Variants in ALPK3 observed in about 807,000 individuals in gnomAD.
ALPK3 encodes the protein alpha-protein kinase 3.
A neutral mutation model predicts 140.0 loss-of-function variants in ALPK3; 102 were observed. The ratio of observed to expected loss-of-function variants is 0.73; its 90% CI spans 0.62 to 0.86. ALPK3 has a LOEUF of 0.86. Ranked by LOEUF, ALPK3 falls within the 40% of genes least tolerant of loss-of-function variation. The probability of loss-of-function intolerance (pLI) is 0.00; values close to 1 mark genes in which losing one functional copy is unlikely to be tolerated. For missense variants in ALPK3, 2,254 were observed against 2,208.2 expected, an observed-to-expected ratio of 1.02 and a Z score of -0.42; for synonymous variants, 938 against 898.5, an observed-to-expected ratio of 1.04 and a Z score of -0.79.
At chr15:84,848,247 T>TA (rs149511884) in intron 5 of ALPK3, among the ~76,000 whole-genome samples, 5,607 of 143,312 alleles carry the variant, frequency 0.039, 124 homozygotes, top group African/African-American at 0.059. Flanking sequence ...AGGTAAAAAG[T>TA]AAAAAAAAAA....
intron 1 of ALPK3, among the ~76,000 whole-genome samples, chr15:84,821,525 G>T (rs988420822): frequency 6.6e-6 from 1 of 152,168 alleles, no homozygotes; most frequent in Admixed American, 6.5e-5. Flanking sequence ...TGGAACCATG[G>T]GAGGTTCTGC....
At position 84,857,602 on chromosome 15, in the gene ALPK3, G is replaced by C; in HGVS notation, c.2864G>C (p.Gly955Ala). 6.3e-7 allele frequency: 1 copy of C among 1,575,246 alleles called. No individual in the cohort carries two copies. Among genetic ancestry groups the C allele is most frequent in the Non-Finnish European group, 8.6e-7 (1 of 1,157,958 alleles). Residue 955 changes from glycine (G) to alanine (A), a missense_variant, in exon 6 of 14, where the codon GGC (glycine) becomes GCC (alanine). Transcript: ENST00000258888. ...RTPGPRSCDPGLIDSLKNYLL... is the reference protein window; with the variant it reads ...RTPGPRSCDPALIDSLKNYLL... ...CCAGGTCCCCGGAGCTGTGACCCTGGCCTCATAGATTCCCTGAAGAACTAC... is the reference window on the plus strand; with the variant it reads ...CCAGGTCCCCGGAGCTGTGACCCTGCCCTCATAGATTCCCTGAAGAACTAC...
In ALPK3 at chr15:84,859,825, G is replaced by A. The variant is rs756951762; in HGVS notation, c.4015G>A (p.Val1339Ile). 9.3e-6 allele frequency: 15 copies of A among 1,613,780 alleles called. No homozygotes were observed. Among genetic ancestry groups the A allele is most frequent in the South Asian group, 4.4e-5 (4 of 91,084 alleles). Residue 1339 changes from valine to isoleucine, a missense_variant, in exon 8 of 14, where the codon GTA becomes ATA. Transcript: ENST00000258888. ...CTTGGCCATCGTGCAGGCCTCCCCC[G>A]TAGACTGCGGTGTGTATCGGTGCAC... Reference protein sequence around the residue: ...AALAIVQASPVDCGVYRCTIH... With the variant: ...AALAIVQASPIDCGVYRCTIH...
intron 5 of ALPK3, among the ~76,000 whole-genome samples, chr15:84,855,351 C>A (rs1963848639): frequency 1.3e-5 from 2 of 152,238 alleles, no homozygotes; most frequent in Non-Finnish European, 2.9e-5. Flanking sequence ...TTTGCTCCTC[C>A]TCAGCTTCCC....
At position 84,862,698 on chromosome 15, in the gene ALPK3, G is replaced by T. The variant is rs756411505; in HGVS notation, c.4193G>T (p.Trp1398Leu). ...FAKGLADSGC[W>L]GDKLFGRLVS... ...AAGGGTCTGGCTGACTCTGGCTGCT[G>T]GGGGGACAAGCTCTTTGGGCGACTG... Residue 1398 changes from tryptophan (W) to leucine (L), a missense_variant, in exon 10 of 14, where the codon TGG (tryptophan) becomes TTG (leucine). Transcript: ENST00000258888. The T allele has an allele frequency of 1.2e-5, 20 of 1,614,060 alleles. No individual in the cohort carries two copies. The highest frequency in any genetic ancestry group is 1.6e-4 in the Middle Eastern group (1 of 6,082).
In ALPK3 at chr15:84,868,783, A is replaced by C. The variant is rs533590924; in HGVS notation, c.*327A>C. On this transcript the variant is annotated 3_prime_UTR_variant, in exon 14 of 14. Transcript: ENST00000258888. ...CTGGAGGCTCCCCTGAGTCCTCTGC[A>C]TGAGTTCTGCACCCCAAGCCCTTGC... The C allele has an allele frequency of 2.8e-6, 1 of 359,230 alleles. No individual in the cohort carries two copies. Among genetic ancestry groups the C allele is most frequent in the African/African-American group, 2.0e-5 (1 of 48,914 alleles). The allele number at this position is 359,230 out of a possible 1,614,324, so 22.3% of individuals were successfully genotyped here.
chr15:84,854,037 T>G (rs1284926386), intron 5 of ALPK3, among the ~76,000 whole-genome samples: 2 of 152,058 alleles, frequency 1.3e-5, no homozygotes, highest in Admixed American at 1.3e-4. Flanking sequence ...AACAGAAAAT[T>G]CCTAATTTAG....
At chr15:84,859,987 T>C (rs370097562) in intron 8 of ALPK3, 50 bp from the exon 9 acceptor site, 2 of 1,613,978 alleles carry the variant, frequency 1.2e-6, no homozygotes, top group Non-Finnish European at 1.7e-6. Flanking sequence ...GAAGGCACTC[T>C]CTTGGCACAG....
At position 84,864,601 on chromosome 15, in the gene ALPK3, C is replaced by T; in HGVS notation, c.4659C>T (p.Cys1553=). The change falls in exon 12 of 14, where the codon TGC becomes TGT. Residue 1553 remains cysteine (C), a synonymous_variant. Transcript: ENST00000258888. ...GCAGCTCTGAGGCCATGCAGAAATG[C>T]CAGACCTTCCAACACTGGCTGTATC... ...ASGSSEAMQK[C]QTFQHWLYQW... is the part of the protein sequence containing the mutation. 6.2e-7 allele frequency: 1 copy of T among 1,614,198 alleles called. No individual in the cohort carries two copies. The highest frequency in any genetic ancestry group is 1.6e-4 in the Middle Eastern group (1 of 6,062).
At chr15:84,827,409 G>A in intron 2 of ALPK3, 75 bp from the exon 3 acceptor site, 1 of 1,586,626 alleles carries the variant, frequency 6.3e-7, no homozygotes, top group Non-Finnish European at 8.6e-7. Flanking sequence ...TAAGACGGAA[G>A]CTGCCTTGGA....
At position 84,858,317 on chromosome 15, in the gene ALPK3, C is replaced by A; in HGVS notation, c.3579C>A (p.Pro1193=). 1 of 1,564,900 alleles carries A rather than the reference C, an allele frequency of 6.4e-7. No individual in the cohort carries two copies. Among genetic ancestry groups the A allele is most frequent in the East Asian group, 2.4e-5 (1 of 41,868 alleles). The change falls in exon 6 of 14, where the codon CCC becomes CCA. Residue 1193 remains proline, a synonymous_variant. Coordinates refer to ENST00000258888, the MANE Select transcript of ALPK3 (RefSeq NM_020778.5). ...AAAGGGAGAGCCCCACGGTTTCCCC[C>A]CGGGGGCCCAGGAAAAGCCTGGTGC... is the stretch of plus-strand genomic sequence containing the variant. ...PEERESPTVS[P]RGPRKSLVPG... is the part of the protein sequence containing the mutation.
At chr15:84,829,938 A>G (rs1963528295) in intron 3 of ALPK3, among the ~76,000 whole-genome samples, 1 of 152,156 alleles carries the variant, frequency 6.6e-6, no homozygotes, top group Non-Finnish European at 1.5e-5. Context: ...CTTATTAATG[A>G]TAGTTTTCTA....
chr15:84,817,688 G>A, intron 1 of ALPK3, 93 bp downstream of exon 1: 2 of 1,327,802 alleles, frequency 1.5e-6, no homozygotes, highest in South Asian at 1.7e-5. Flanking sequence ...GGCCTGGGCT[G>A]GGCCTGCGCC....
intron 2 of ALPK3, among the ~76,000 whole-genome samples, chr15:84,826,199 A>G (rs1331725198): frequency 6.6e-6 from 1 of 152,234 alleles, no homozygotes; most frequent in African/African-American, 2.4e-5. Context: ...TAATATTCAC[A>G]GAAAAGATAC....
Position 84,857,269 on chromosome 15 carries a change from C to G in ALPK3, c.2531C>G (p.Pro844Arg). 1 of 1,614,090 alleles carries G rather than the reference C, an allele frequency of 6.2e-7. No individual in the cohort carries two copies. Among genetic ancestry groups the G allele is most frequent in the Non-Finnish European group, 8.5e-7 (1 of 1,179,998 alleles). The change falls in exon 6 of 14, where the codon CCA becomes CGA. Residue 844 changes from proline to arginine, a missense_variant. Pro to Arg is a moderately radical substitution (Grantham distance 103, BLOSUM62 -2). Around this residue, in one of 3 missense-constraint regions of ALPK3, gnomAD observed 2,088 missense variants for 2,022.9 expected, o/e 1.03. Coordinates refer to ENST00000258888, the MANE Select transcript of ALPK3 (RefSeq NM_020778.5). ...TTCCAGTGCCCCAAGGAGGAGCGGCCAGGGGGAGTGCCGTGTATGGATCAG... is the reference window on the plus strand; with the variant it reads ...TTCCAGTGCCCCAAGGAGGAGCGGCGAGGGGGAGTGCCGTGTATGGATCAG... ...SPFQCPKEERPGGVPCMDQGG... is the reference protein window; with the variant it reads ...SPFQCPKEERRGGVPCMDQGG...
At chr15:84,861,195 A>G (rs945184934) in intron 9 of ALPK3, among the ~76,000 whole-genome samples, 21 of 152,328 alleles carry the variant, frequency 1.4e-4, no homozygotes, top group African/African-American at 4.8e-4. Flanking sequence ...AATATTTAAC[A>G]GTTCCTCCTA....
At chr15:84,849,440 CTGTG>C (rs1208934694) in intron 5 of ALPK3, among the ~76,000 whole-genome samples, 11 of 152,274 alleles carry the variant, frequency 7.2e-5, no homozygotes, top group African/African-American at 2.2e-4. Flanking sequence ...ATAGAATACT[CTGTG>C]TAACAACAGA....
chr15:84,824,473 G>C (rs1963462954), intron 2 of ALPK3, among the ~76,000 whole-genome samples: 1 of 152,220 alleles, frequency 6.6e-6, no homozygotes, highest in Non-Finnish European at 1.5e-5. Flanking sequence ...TCTTCACACA[G>C]AAAAAGATTT....
Position 84,840,653 on chromosome 15 carries a change from G to A in ALPK3, c.1374G>A (p.Gly458=), listed in dbSNP as rs778460334. ...CACCCCTCAGGGCTAGAAGCGAGGG[G>A]GTGCCTGGCGCTCCTGGCCAGCCCA... ...GKAPLRARSE[G]VPGAPGQPTH... The change falls in exon 5 of 14, where the codon GGG becomes GGA. Residue 458 remains glycine (G), a synonymous_variant. Transcript: ENST00000258888. The A allele has an allele frequency of 1.9e-6, 3 of 1,577,460 alleles. No homozygotes were observed. The highest frequency in any genetic ancestry group is 3.6e-5 in the Admixed American group (2 of 54,958).
Sources: allele counts gnomAD v4.1 joint callset (sites outside exome capture counted in the v4.1 genomes callset), GRCh38; gene constraint gnomAD v4.1.1; regional missense constraint gnomAD v4.1.1; transcripts MANE v1.5; gene names NCBI Gene and HGNC (gene_info 2026-07-23, HGNC 2026-07-21).